Variants in CDH9 observed in about 807,000 individuals in gnomAD.
The protein encoded by CDH9 is cadherin 9.
Under a neutral mutation model 70.9 loss-of-function variants are expected in CDH9, and 28 were observed. That is an observed-to-expected ratio of 0.40 (90% confidence interval 0.29 to 0.54). The LOEUF (loss-of-function observed/expected upper bound fraction) is 0.54, where lower values mean the gene tolerates loss of function less well. Ranked by LOEUF, CDH9 falls within the 20% of genes least tolerant of loss-of-function variation. The probability of loss-of-function intolerance (pLI) is 0.59; values close to 1 mark genes in which losing one functional copy is unlikely to be tolerated. For synonymous variants in CDH9, 409 were observed against 343.1 expected (o/e 1.19, Z -2.12); for missense variants, 874 against 984.4 (o/e 0.89, Z 1.50).
chr5:26,966,300 C>T (rs1401638237), intron 2 of CDH9, among the ~76,000 whole-genome samples: 1 of 152,172 alleles, frequency 6.6e-6, no homozygotes, highest in Non-Finnish European at 1.5e-5. Flanking sequence ...TCTGTCCAGT[C>T]CTGACCCCTG....
chr5:26,957,582 A>G (rs1741968106), intron 2 of CDH9, among the ~76,000 whole-genome samples: 1 of 152,060 alleles, frequency 6.6e-6, no homozygotes, highest in Admixed American at 6.6e-5. Flanking sequence ...GAATTGCTTG[A>G]ACTTGGGAGG....
At chr5:26,949,055 A>G (rs544478759) in intron 2 of CDH9, among the ~76,000 whole-genome samples, 1 of 152,292 alleles carries the variant, frequency 6.6e-6, no homozygotes, top group East Asian at 1.9e-4. Flanking sequence ...TCTTATACCT[A>G]GTACTGATGT....
intron 2 of CDH9, among the ~76,000 whole-genome samples, chr5:26,965,468 C>T (rs373950328): frequency 5.3e-5 from 8 of 151,330 alleles, no homozygotes; most frequent in Admixed American, 2.0e-4. Context: ...CCCAGCTACT[C>T]GGGAGGCTGA....
intron 2 of CDH9, among the ~76,000 whole-genome samples, chr5:26,975,083 G>T (rs943875221): frequency 7.2e-5 from 11 of 152,216 alleles, no homozygotes; most frequent in South Asian, 2.1e-4. Context: ...TTTGACATCT[G>T]CCCTCACTTT....
chr5:27,016,547 T>A (rs1264634473), intron 1 of CDH9, among the ~76,000 whole-genome samples: 1 of 151,916 alleles, frequency 6.6e-6, no homozygotes, highest in Non-Finnish European at 1.5e-5. Flanking sequence ...TTCCAAATAT[T>A]GCATTTCAGA....
At chr5:26,911,367 G>T in intron 3 of CDH9, among the ~76,000 whole-genome samples, 2 of 152,122 alleles carry the variant, frequency 1.3e-5, no homozygotes, top group African/African-American at 4.8e-5. Flanking sequence ...TCTGGTGTTA[G>T]AAATACAATT....
chr5:26,949,656 T>C (rs1227584824), intron 2 of CDH9, among the ~76,000 whole-genome samples: 1 of 152,180 alleles, frequency 6.6e-6, no homozygotes, highest in East Asian at 1.9e-4. Flanking sequence ...TTTTTCTAAA[T>C]ATTCTTTGGG....
rs1034539541 is a variant in CDH9 at position 26,988,464 on chromosome 5, A to G, written c.-49-82T>C. The G allele has an allele frequency of 2.4e-6, 3 of 1,233,894 alleles. No homozygotes were observed. The Admixed American group carries it at 8.6e-5, about 36-fold the overall frequency. 76.4% of individuals were successfully genotyped at this position (1,233,894 alleles called of 1,614,324 possible). ...ACGTGTAAACTGAAATACTTATTCC[A>G]GACATTATTTAAATTTTATTATGTA... is the stretch of plus-strand genomic sequence containing the variant. On this transcript the variant is annotated intron_variant, in intron 1 of 11. Coordinates refer to ENST00000231021, the MANE Select transcript of CDH9 (RefSeq NM_016279.4).
chr5:27,009,757 C>G (rs1051069125), intron 1 of CDH9, among the ~76,000 whole-genome samples: 4 of 152,076 alleles, frequency 2.6e-5, no homozygotes, highest in Non-Finnish European at 5.9e-5. Context: ...CAGGATAACT[C>G]TCTTAAAAAC....
intron 1 of CDH9, among the ~76,000 whole-genome samples, chr5:27,007,680 G>A (rs1043675731): frequency 1.7e-4 from 26 of 151,928 alleles, no homozygotes; most frequent in African/African-American, 5.8e-4. Flanking sequence ...AACAGTTATG[G>A]TAAAATAATA....
At chr5:26,908,596 ACT>A (rs1379723320) in intron 3 of CDH9, among the ~76,000 whole-genome samples, 11 of 151,992 alleles carry the variant, frequency 7.2e-5, no homozygotes, top group Non-Finnish European at 1.5e-4. Flanking sequence ...TGTTTATTTG[ACT>A]CTTTCAAATA....
At chr5:26,887,197 T>A (rs1192633044) in intron 9 of CDH9, among the ~76,000 whole-genome samples, 1 of 151,984 alleles carries the variant, frequency 6.6e-6, no homozygotes, top group African/African-American at 2.4e-5. Flanking sequence ...AATAAACTTT[T>A]CTCCTTAGAA....
chr5:26,912,355 A>G (rs1367060819), intron 3 of CDH9, among the ~76,000 whole-genome samples: 1 of 151,916 alleles, frequency 6.6e-6, no homozygotes, highest in Non-Finnish European at 1.5e-5. Context: ...CACACCTGCA[A>G]TAATTATAAT....
intron 1 of CDH9, among the ~76,000 whole-genome samples, chr5:27,035,697 TG>T (rs1743380689): frequency 6.6e-6 from 1 of 150,984 alleles, no homozygotes; most frequent in Non-Finnish European, 1.5e-5. Context: ...TGTGTGTGTG[TG>T]TGTGTGTGTG....
intron 1 of CDH9, among the ~76,000 whole-genome samples, chr5:27,006,805 G>A (rs1188459519): frequency 5.3e-5 from 8 of 151,970 alleles, no homozygotes; most frequent in Non-Finnish European, 2.9e-5. Context: ...AAAAATCTAT[G>A]TATTGTTGTC....
At chr5:26,985,930 A>C (rs892645837) in intron 2 of CDH9, among the ~76,000 whole-genome samples, 2 of 152,138 alleles carry the variant, frequency 1.3e-5, no homozygotes, top group Admixed American at 6.6e-5. Context: ...GTGATGTCAA[A>C]AGCCAGAAAA....
In CDH9 at chr5:26,881,474, T is replaced by C. The variant is rs778449136; in HGVS notation, c.2032A>G (p.Arg678Gly). Residue 678 changes from arginine to glycine, a missense_variant, in exon 12 of 12, where the codon AGG becomes GGG. Coordinates refer to ENST00000231021, the MANE Select transcript of CDH9 (RefSeq NM_016279.4). ...DTQAFDIGTLRNPEAREDSKL... is the reference protein window; with the variant it reads ...DTQAFDIGTLGNPEAREDSKL... ...CTGTCTTCTCTTGCCTCTGGATTCC[T>C]TAATGTGCCAATGTCAAAAGCTTGG... 2 of 1,613,818 alleles carry C rather than the reference T, an allele frequency of 1.2e-6. No individual in the cohort carries two copies. Among genetic ancestry groups the C allele is most frequent in the African/African-American group, 1.3e-5 (1 of 75,012 alleles).
Position 26,886,842 on chromosome 5 carries a change from T to G in CDH9, c.1513-759A>C, listed in dbSNP as rs139036745. Among the ~76,000 whole-genome samples the G allele has an allele frequency of 8.9e-4, 136 of 152,230 alleles. 3 individuals carry two copies. In the East Asian group the frequency reaches 0.022, roughly 24 times the overall value. On this transcript the variant is annotated intron_variant, in intron 9 of 11. Coordinates refer to ENST00000231021, the MANE Select transcript of CDH9 (RefSeq NM_016279.4). ...TTGGGCAGAAAAATTTCACTGAGCA[T>G]TTTATAGTGGAAAAAGCACTGAGCT...
At chr5:26,927,294 T>C (rs1201613134) in intron 2 of CDH9, among the ~76,000 whole-genome samples, 2 of 151,926 alleles carry the variant, frequency 1.3e-5, no homozygotes, top group Non-Finnish European at 2.9e-5. Context: ...CCAGCTAGTA[T>C]ACTGGGGAAA....
Sources: allele counts gnomAD v4.1 joint callset (sites outside exome capture counted in the v4.1 genomes callset), GRCh38; gene constraint gnomAD v4.1.1; transcripts MANE v1.5; gene names NCBI Gene and HGNC (gene_info 2026-07-23, HGNC 2026-07-21).